The following PLA2G4C variants were observed in gnomAD, a reference collection of about 807,000 sequenced individuals.
PLA2G4C encodes the protein cytosolic phospholipase A2 gamma.
Under a neutral mutation model 73.8 loss-of-function variants are expected in PLA2G4C, and 64 were observed. The observed-to-expected ratio is 0.87, with a 90% CI of 0.71 to 1.07. PLA2G4C has a LOEUF of 1.07. Ranked by LOEUF, PLA2G4C falls within the 50% of genes least tolerant of loss-of-function variation. The pLI, the probability that PLA2G4C is intolerant of heterozygous loss-of-function variation, is 0.00. For missense variants in PLA2G4C, 622 were observed against 665.4 expected (o/e 0.93, Z 0.72); for synonymous variants, 254 against 252.1 (o/e 1.01, Z -0.07).
intron 12 of PLA2G4C, among the ~76,000 whole-genome samples, chr19:48,068,413 C>T (rs116479428): frequency 0.012 from 1,833 of 151,452 alleles, 42 homozygotes; most frequent in African/African-American, 0.043. Flanking sequence ...AGAAAGAGTG[C>T]CAGGCACCAG....
chr19:48,100,008 AAATAC>A (rs1213064083), intron 4 of PLA2G4C, 148 bp from the exon 5 acceptor site: 1 of 553,454 alleles, frequency 1.8e-6, no homozygotes, highest in African/African-American at 1.9e-5. Flanking sequence ...TCCATTAAAT[AAATAC>A]AACTGCAGAA....
Position 48,062,034 on chromosome 19 carries a change from G to A in PLA2G4C, c.1221C>T (p.Ile407=). The A allele has an allele frequency of 6.2e-7, 1 of 1,613,982 alleles. No homozygotes were observed. Among genetic ancestry groups the A allele is most frequent in the Non-Finnish European group, 8.5e-7 (1 of 1,179,982 alleles). ...VLPPTREVHL[I]LSFDFSAGDP... is the part of the protein sequence containing the mutation. The stretch of plus-strand genomic sequence containing the variant: ...CTCCGGCACTGAAGTCGAAGGAGAG[G>A]ATGAGGTGAACCTCCCGCGTCGGGG... The change falls in exon 14 of 17, where the codon ATC becomes ATT. Residue 407 remains isoleucine (I), a synonymous_variant. Transcript: ENST00000599921.
chr19:48,075,097 C>T (rs1221791474), intron 11 of PLA2G4C, among the ~76,000 whole-genome samples: 1 of 152,006 alleles, frequency 6.6e-6, no homozygotes, highest in African/African-American at 2.4e-5. Context: ...TCTCTGCCTC[C>T]ACCTCTACTC....
At chr19:48,096,381 G>T (rs1181437775) in intron 6 of PLA2G4C, among the ~76,000 whole-genome samples, 1 of 152,032 alleles carries the variant, frequency 6.6e-6, no homozygotes, top group African/African-American at 2.4e-5. Flanking sequence ...TCAGGAGTTC[G>T]AGACCAGCCT....
intron 10 of PLA2G4C, among the ~76,000 whole-genome samples, chr19:48,083,392 C>CTTTTTTTTTTTTTTTGTTTTTTTTT (rs2030737845): frequency 1.9e-5 from 2 of 105,836 alleles, no homozygotes; most frequent in East Asian, 2.8e-4. Flanking sequence ...ATTTTCTTTT[C>CTTTTTTTTTTTTTTTGTTTTTTTTT]TTTTTTTTTT....
At chr19:48,066,466 A>C (rs1441585909) in intron 13 of PLA2G4C, among the ~76,000 whole-genome samples, 1 of 152,034 alleles carries the variant, frequency 6.6e-6, no homozygotes, top group African/African-American at 2.4e-5. Context: ...ACACAGCTGA[A>C]GTCCTGTGTG....
At chr19:48,082,672 T>A (rs2030668259) in intron 10 of PLA2G4C, among the ~76,000 whole-genome samples, 1 of 143,772 alleles carries the variant, frequency 7.0e-6, no homozygotes, top group Admixed American at 7.0e-5. Flanking sequence ...TTAATTTTTA[T>A]ATTTTTAGTA....
chr19:48,076,513 C>A (rs113098185), intron 11 of PLA2G4C, among the ~76,000 whole-genome samples: 3,119 of 152,250 alleles, frequency 0.02, 108 homozygotes, highest in African/African-American at 0.07. Flanking sequence ...GAGGCCCAGG[C>A]AGGCAGATCA....
rs145766964 is a variant in PLA2G4C at position 48,055,021 on chromosome 19, C to T, written c.1286G>A (p.Arg429His). ...ETIRATTDYC[R>H]RHKIPFPQVE... The stretch of plus-strand genomic sequence containing the variant: ...TTGGGGAAAGGGGATCTTGTGGCGG[C>T]GGCAGTAGTCAGTGGTAGCCCGGAT... Residue 429 changes from arginine to histidine, a missense_variant, in exon 15 of 17, where the codon CGC becomes CAC. Transcript: ENST00000599921. 32 of 1,611,568 alleles carry T rather than the reference C, an allele frequency of 2.0e-5. No homozygotes were observed. The highest frequency in any genetic ancestry group is 2.2e-5 in the Non-Finnish European group (26 of 1,179,258).
chr19:48,109,368 C>A (rs1197045666), intron 1 of PLA2G4C, among the ~76,000 whole-genome samples: 1 of 152,014 alleles, frequency 6.6e-6, no homozygotes, highest in Non-Finnish European at 1.5e-5. Context: ...GCCTCCTGGG[C>A]TCAAGCGAGC....
intron 2 of PLA2G4C, among the ~76,000 whole-genome samples, chr19:48,105,839 CT>C (rs2032162678): frequency 2.9e-5 from 2 of 67,810 alleles, no homozygotes; most frequent in African/African-American, 1.1e-4. Flanking sequence ...CCCTCCCTCC[CT>C]TCCTTCCATC....
chr19:48,053,443 GA>G, intron 15 of PLA2G4C, among the ~76,000 whole-genome samples: 1 of 145,852 alleles, frequency 6.9e-6, no homozygotes, highest in African/African-American at 2.6e-5. Flanking sequence ...AATCTTGGGT[GA>G]CTGTAACCTC....
At chr19:48,104,496 G>A (rs557695446) in intron 4 of PLA2G4C, 92 bp downstream of exon 4, 224 of 1,261,638 alleles carry the variant, frequency 1.8e-4, no homozygotes, top group South Asian at 2.1e-4. Flanking sequence ...GAGAAGCAGC[G>A]TTGGAAAAAA....
At chr19:48,049,795 G>A (rs1423223055) in intron 16 of PLA2G4C, among the ~76,000 whole-genome samples, 5 of 152,156 alleles carry the variant, frequency 3.3e-5, no homozygotes, top group African/African-American at 1.2e-4. Context: ...TGTAGACACA[G>A]GGAGGCACCA....
rs2030167969 is a variant in PLA2G4C, at chr19:48,076,530, G to T, written c.898+1241C>A. On this transcript the variant is annotated intron_variant, in intron 11 of 16. Coordinates refer to ENST00000599921, the MANE Select transcript of PLA2G4C (RefSeq NM_003706.3). ...GGCCCAGGCAGGCAGATCACTTGAG[G>T]TCAGGAGTTCGAGAGTAGCCTGGGT... 2.0e-5 allele frequency among the ~76,000 whole-genome samples: 3 copies of T among 152,120 alleles called. No homozygotes were observed. In the South Asian group the frequency reaches 6.2e-4, roughly 32 times the overall value.
In PLA2G4C at chr19:48,049,045, C is replaced by A. The variant is rs568332982; in HGVS notation, c.1581-657G>T. Among the ~76,000 whole-genome samples the A allele has an allele frequency of 3.9e-5, 6 of 152,220 alleles. No individual in the cohort carries two copies. In the South Asian group the frequency reaches 8.3e-4, roughly 21 times the overall value. On this transcript the variant is annotated intron_variant, in intron 16 of 16. Coordinates refer to ENST00000599921, the MANE Select transcript of PLA2G4C (RefSeq NM_003706.3). ...CTCTCTCACCATGTAACACGCCAGC[C>A]CCCCTTCCCCTTCCACCAGGATTGG...
intron 12 of PLA2G4C, chr19:48,074,523 T>C (rs2030002530): frequency 1.9e-6 from 1 of 516,572 alleles, no homozygotes; most frequent in Non-Finnish European, 3.5e-6. Context: ...CTGGGCCAAA[T>C]AGTATTTCTG....
chr19:48,098,255 G>A lies in PLA2G4C; in HGVS notation c.452C>T (p.Pro151Leu), dbSNP rs11564538. 0.052 allele frequency: 83,336 copies of A among 1,610,198 alleles called. 2,388 individuals carry two copies. Among genetic ancestry groups the A allele is most frequent in the South Asian group, 0.063 (5,718 of 90,572 alleles). The change falls in exon 6 of 17, where the codon CCG becomes CTG. Residue 151 changes from proline to leucine, a missense_variant. Physicochemically the swap from Pro to Leu is moderately conservative, Grantham distance 98 (BLOSUM62 -3). Coordinates refer to ENST00000599921, the MANE Select transcript of PLA2G4C (RefSeq NM_003706.3). ...CTTCATATTGGACAAATGAGACTCC[G>A]GCAGCTTTGGGAGAAGGTGCCAAGA... ...MVISKQTREL[P>L]ESHLSNMKKP...
intron 13 of PLA2G4C, 84 bp from the exon 14 acceptor site, chr19:48,062,236 G>C (rs755715702): frequency 8.2e-7 from 1 of 1,217,178 alleles, no homozygotes; most frequent in Non-Finnish European, 1.1e-6. Flanking sequence ...GAGGGGGATG[G>C]GAAAATGATC....
Sources: allele counts gnomAD v4.1 joint callset (sites outside exome capture counted in the v4.1 genomes callset), GRCh38; gene constraint gnomAD v4.1.1; transcripts MANE v1.5; gene names NCBI Gene and HGNC (gene_info 2026-07-23, HGNC 2026-07-21).